The following ASTN2 variants were observed in gnomAD, a reference collection of about 807,000 sequenced individuals.
ASTN2 encodes astrotactin 2, also known as astrotactin-2.
ASTN2 carries 54 observed loss-of-function variants against 139.8 expected under a neutral mutation model. The ratio of observed to expected loss-of-function variants is 0.39; its 90% CI spans 0.31 to 0.48. The LOEUF is 0.48. Among genes scored for constraint, ASTN2 ranks in the 20% least tolerant of loss-of-function variants. ASTN2 has a pLI of 0.95. For missense variants in ASTN2, 1,565 were observed against 1,725.1 expected, an observed-to-expected ratio of 0.91 and a Z score of 1.64; for synonymous variants, 756 against 719.5, an observed-to-expected ratio of 1.05 and a Z score of -0.81.
chr9:116,798,768 G>A (rs896077430), intron 13 of ASTN2, among the ~76,000 whole-genome samples: 1 of 152,170 alleles, frequency 6.6e-6, no homozygotes, highest in Non-Finnish European at 1.5e-5. Context: ...ATTAATGGAA[G>A]CACAGAAAGG....
chr9:116,933,778 C>CA (rs1834979122), intron 10 of ASTN2, among the ~76,000 whole-genome samples: 1 of 151,874 alleles, frequency 6.6e-6, no homozygotes, highest in Non-Finnish European at 1.5e-5. Flanking sequence ...CAGGCAAAAA[C>CA]AAAAAACAAA....
intron 1 of ASTN2, among the ~76,000 whole-genome samples, chr9:117,312,306 A>G (rs935512159): frequency 2.0e-5 from 3 of 152,144 alleles, no homozygotes; most frequent in Non-Finnish European, 4.4e-5. Flanking sequence ...AAAACGTTAC[A>G]TCCTCTCCAG....
intron 1 of ASTN2, among the ~76,000 whole-genome samples, chr9:117,313,172 T>C (rs538785845): frequency 1.8e-4 from 28 of 152,352 alleles, no homozygotes; most frequent in South Asian, 6.2e-4. Flanking sequence ...CCTCACTACC[T>C]GCACTAGAGT....
At chr9:116,732,003 G>T (rs946108766) in intron 14 of ASTN2, among the ~76,000 whole-genome samples, 2 of 152,006 alleles carry the variant, frequency 1.3e-5, no homozygotes, top group Non-Finnish European at 2.9e-5. Flanking sequence ...GAAATTTTAT[G>T]ATCTTAAAAA....
chr9:116,743,946 G>A (rs1360788728), intron 13 of ASTN2, among the ~76,000 whole-genome samples: 1 of 152,212 alleles, frequency 6.6e-6, no homozygotes, highest in Non-Finnish European at 1.5e-5. Context: ...GATGGTTATA[G>A]GTTAGAGGGA....
intron 10 of ASTN2, among the ~76,000 whole-genome samples, chr9:116,960,699 G>C (rs1375599405): frequency 6.6e-6 from 1 of 151,732 alleles, no homozygotes; most frequent in Non-Finnish European, 1.5e-5. Flanking sequence ...TGTCTTCTGG[G>C]GGACAAAATC....
At chr9:117,406,989 A>C (rs1464103419) in intron 1 of ASTN2, among the ~76,000 whole-genome samples, 2 of 152,090 alleles carry the variant, frequency 1.3e-5, no homozygotes, top group African/African-American at 4.8e-5. Context: ...TGACTCTCAC[A>C]TCACTGGTGC....
chr9:116,929,559 A>C (rs1452062096), intron 10 of ASTN2, among the ~76,000 whole-genome samples: 2 of 152,156 alleles, frequency 1.3e-5, no homozygotes, highest in African/African-American at 4.8e-5. Flanking sequence ...AATATTTTGC[A>C]CGTATCTCTC....
At chr9:116,929,891 CA>C (rs1465048823) in intron 10 of ASTN2, among the ~76,000 whole-genome samples, 1 of 152,194 alleles carries the variant, frequency 6.6e-6, no homozygotes, top group African/African-American at 2.4e-5. Flanking sequence ...GATAGGCCAG[CA>C]AATGAGACTG....
intron 12 of ASTN2, among the ~76,000 whole-genome samples, 153 bp downstream of exon 12, chr9:116,820,464 G>A (rs1256088497): frequency 1.3e-5 from 2 of 151,930 alleles, no homozygotes; most frequent in Non-Finnish European, 2.9e-5. Flanking sequence ...TATACTTTTG[G>A]CTTTTGGCTC....
chr9:116,665,468 A>C (rs1350821664), intron 16 of ASTN2, among the ~76,000 whole-genome samples: 2 of 152,172 alleles, frequency 1.3e-5, no homozygotes, highest in Non-Finnish European at 2.9e-5. Context: ...AAAAATAAAA[A>C]CATTTCATAG....
At chr9:117,212,509 T>C (rs970230892) in intron 3 of ASTN2, among the ~76,000 whole-genome samples, 5 of 152,086 alleles carry the variant, frequency 3.3e-5, no homozygotes, top group Admixed American at 3.3e-4. Flanking sequence ...AAAATATTTA[T>C]CCAATAGGGA....
chr9:116,502,921 A>G (rs1588121037), intron 19 of ASTN2, among the ~76,000 whole-genome samples: 1 of 138,554 alleles, frequency 7.2e-6, no homozygotes, highest in Non-Finnish European at 1.5e-5. Flanking sequence ...GGAGGGAGGG[A>G]GGGAAGAAAG....
intron 10 of ASTN2, among the ~76,000 whole-genome samples, chr9:116,869,817 A>G (rs1269951348): frequency 6.6e-6 from 1 of 152,184 alleles, no homozygotes; most frequent in African/African-American, 2.4e-5. Context: ...ATAAACCTGT[A>G]TTAAAGATGG....
intron 19 of ASTN2, among the ~76,000 whole-genome samples, chr9:116,553,517 A>C (rs991830361): frequency 1.2e-4 from 19 of 152,360 alleles, no homozygotes; most frequent in Admixed American, 2.0e-4. Context: ...GCAATGGAAC[A>C]GAAAACAAAT....
At chr9:116,780,408 G>A (rs1161367490) in intron 13 of ASTN2, among the ~76,000 whole-genome samples, 1 of 152,150 alleles carries the variant, frequency 6.6e-6, no homozygotes, top group African/African-American at 2.4e-5. Context: ...TGCTCCCCAT[G>A]CTCTTAACCA....
At chr9:116,612,025 C>A (rs1855565167) in intron 19 of ASTN2, 1 of 152,108 alleles carries the variant, frequency 6.6e-6, no homozygotes, top group African/African-American at 2.4e-5. Context: ...GAAAATCTAT[C>A]AATGTGACTT....
intron 1 of ASTN2, among the ~76,000 whole-genome samples, chr9:117,299,481 A>G (rs1259292311): frequency 6.6e-6 from 1 of 152,206 alleles, no homozygotes. Flanking sequence ...AAGAATTGGC[A>G]AGATTTCAAC....
intron 2 of ASTN2, among the ~76,000 whole-genome samples, chr9:117,254,411 T>A (rs539224671): frequency 1.3e-5 from 2 of 152,312 alleles, no homozygotes; most frequent in South Asian, 4.1e-4. Context: ...CTGTAAAGAC[T>A]ACTACAACCC....
Sources: gnomAD v4.1 joint callset for allele counts (sites outside exome capture counted in the v4.1 genomes callset) on GRCh38, gnomAD v4.1.1 for gene constraint, MANE v1.5 for transcripts, NCBI Gene and HGNC (gene_info 2026-07-23, HGNC 2026-07-21) for gene names.